Variants in ARHGAP15 observed in about 807,000 individuals in gnomAD.
ARHGAP15 encodes the protein rho GTPase-activating protein 15.
ARHGAP15 carries 51 observed loss-of-function variants against 63.7 expected under a neutral mutation model. The observed-to-expected ratio is 0.80, with a 90% CI of 0.64 to 1.01. The LOEUF (loss-of-function observed/expected upper bound fraction) is 1.01. ARHGAP15 is among the 50% of genes least tolerant of loss of function. The pLI, the probability that ARHGAP15 is intolerant of heterozygous loss-of-function variation, is 0.00. For missense variants in ARHGAP15, 560 were observed against 564.6 expected (o/e 0.99, Z 0.08); for synonymous variants, 191 against 193.8 (o/e 0.99, Z 0.12).
chr2:143,234,347 T>C (rs1693559077), intron 5 of ARHGAP15, among the ~76,000 whole-genome samples: 1 of 152,180 alleles, frequency 6.6e-6, no homozygotes, highest in Non-Finnish European at 1.5e-5. Context: ...CTGGTTCTTA[T>C]GTTGCTTTGT....
chr2:143,287,970 G>A (rs1414353614), intron 6 of ARHGAP15, among the ~76,000 whole-genome samples: 2 of 152,140 alleles, frequency 1.3e-5, no homozygotes, highest in African/African-American at 4.8e-5. Context: ...ACTTTAAGAG[G>A]TTGTATCGGA....
intron 5 of ARHGAP15, among the ~76,000 whole-genome samples, chr2:143,230,786 G>T (rs1220298464): frequency 6.6e-6 from 1 of 152,140 alleles, no homozygotes; most frequent in Non-Finnish European, 1.5e-5. Context: ...GATTAAAGAT[G>T]CTGTGGTTTT....
chr2:143,457,653 G>T (rs894156235), intron 8 of ARHGAP15, among the ~76,000 whole-genome samples: 2 of 150,862 alleles, frequency 1.3e-5, no homozygotes, highest in Admixed American at 6.6e-5. Context: ...AATACCCACA[G>T]TATTTATTAT....
chr2:143,519,006 G>A, intron 9 of ARHGAP15: 2 of 267,010 alleles, frequency 7.5e-6, no homozygotes, highest in South Asian at 5.1e-5. Context: ...TTAAGGCCCA[G>A]AGAGACTATA....
chr2:143,369,154 C>G (rs1358920229), intron 6 of ARHGAP15, among the ~76,000 whole-genome samples: 1 of 152,036 alleles, frequency 6.6e-6, no homozygotes, highest in East Asian at 1.9e-4. Context: ...AATGCAATTT[C>G]CACATTTGCA....
intron 10 of ARHGAP15, among the ~76,000 whole-genome samples, chr2:143,536,191 T>C (rs1004982043): frequency 6.6e-6 from 1 of 152,194 alleles, no homozygotes; most frequent in Non-Finnish European, 1.5e-5. Context: ...CAACATTTTC[T>C]CATTCCTACC....
intron 6 of ARHGAP15, among the ~76,000 whole-genome samples, chr2:143,328,856 G>A (rs1313080813): frequency 6.6e-6 from 1 of 152,172 alleles, no homozygotes; most frequent in Non-Finnish European, 1.5e-5. Context: ...GTAACACAAA[G>A]AAATGATAAA....
intron 2 of ARHGAP15, among the ~76,000 whole-genome samples, chr2:143,189,080 G>A (rs1691567739): frequency 6.6e-6 from 1 of 151,948 alleles, no homozygotes; most frequent in Admixed American, 6.5e-5. Flanking sequence ...GCTATCATTT[G>A]ATTGATAATT....
At chr2:143,613,485 A>G (rs11690204) in intron 11 of ARHGAP15, among the ~76,000 whole-genome samples, 33,666 of 152,110 alleles carry the variant, frequency 0.22, 4,083 homozygotes, top group Admixed American at 0.33. Context: ...CTTTTGTAGC[A>G]TCCGTAAAGT....
intron 13 of ARHGAP15, among the ~76,000 whole-genome samples, chr2:143,741,666 G>C (rs371446143): frequency 6.6e-6 from 1 of 152,304 alleles, no homozygotes; most frequent in Non-Finnish European, 1.5e-5. Flanking sequence ...CTGCTTTACC[G>C]AATACATTTG....
intron 10 of ARHGAP15, among the ~76,000 whole-genome samples, chr2:143,542,462 C>T (rs560115142): frequency 8.6e-5 from 13 of 151,948 alleles, no homozygotes; most frequent in South Asian, 4.1e-4. Flanking sequence ...CCATCTTCTG[C>T]GTCACTCACA....
intron 6 of ARHGAP15, among the ~76,000 whole-genome samples, chr2:143,400,079 T>C (rs1452560036): frequency 6.6e-6 from 1 of 152,026 alleles, no homozygotes; most frequent in African/African-American, 2.4e-5. Flanking sequence ...GCTCCATTAG[T>C]ATCATCATTT....
chr2:143,623,882 CT>C (rs1483006924), intron 11 of ARHGAP15, among the ~76,000 whole-genome samples: 4 of 152,218 alleles, frequency 2.6e-5, no homozygotes. Context: ...ATCTGACATA[CT>C]GTGTCAATGG....
intron 11 of ARHGAP15, among the ~76,000 whole-genome samples, chr2:143,565,298 G>A (rs1461389402): frequency 6.6e-6 from 1 of 151,960 alleles, no homozygotes; most frequent in African/African-American, 2.4e-5. Flanking sequence ...TTCAGCCTAT[G>A]GGACCCTCTA....
At chr2:143,725,093 C>T (rs990212525) in intron 13 of ARHGAP15, among the ~76,000 whole-genome samples, 15 of 152,116 alleles carry the variant, frequency 9.9e-5, no homozygotes, top group Admixed American at 6.5e-5. Context: ...TTTTGTTGTT[C>T]GATTATTGTT....
intron 6 of ARHGAP15, among the ~76,000 whole-genome samples, chr2:143,342,254 G>A (rs978052853): frequency 6.6e-6 from 1 of 152,008 alleles, no homozygotes; most frequent in Non-Finnish European, 1.5e-5. Flanking sequence ...TATTGCTAGT[G>A]TTTTCTCAAA....
chr2:143,757,816 C>G (rs1686632816), intron 13 of ARHGAP15, among the ~76,000 whole-genome samples: 1 of 151,940 alleles, frequency 6.6e-6, no homozygotes, highest in African/African-American at 2.4e-5. Context: ...GTTATCTGAT[C>G]TCTTTAAATG....
intron 2 of ARHGAP15, among the ~76,000 whole-genome samples, chr2:143,185,957 A>G (rs1196890925): frequency 6.6e-6 from 1 of 152,192 alleles, no homozygotes; most frequent in Admixed American, 6.5e-5. Context: ...TGAGGGGGAA[A>G]AATAAACCCC....
At chr2:143,629,575 CTT>C (rs1014233244) in intron 12 of ARHGAP15, among the ~76,000 whole-genome samples, 2 of 152,146 alleles carry the variant, frequency 1.3e-5, no homozygotes, top group Non-Finnish European at 2.9e-5. Flanking sequence ...AATGTACTAA[CTT>C]TACCACTGTT....
Sources: allele counts gnomAD v4.1 joint callset (sites outside exome capture counted in the v4.1 genomes callset), GRCh38; gene constraint gnomAD v4.1.1; transcripts MANE v1.5; gene names NCBI Gene and HGNC (gene_info 2026-07-23, HGNC 2026-07-21).